The following DYSF variants were observed in gnomAD, a reference collection of about 807,000 sequenced individuals.
DYSF encodes the protein dysferlin, also known as dystrophy-associated fer-1-like 1.
DYSF carries 212 observed loss-of-function variants against 274.9 expected under a neutral mutation model. That is an observed-to-expected ratio of 0.77 (90% CI 0.69 to 0.86). DYSF has a LOEUF of 0.86. Among genes scored for constraint, DYSF ranks in the 40% least tolerant of loss-of-function variants. The pLI, the probability that DYSF is intolerant of heterozygous loss-of-function variation, is 0.00. For synonymous variants in DYSF, 1,091 were observed against 1,078.7 expected, an observed-to-expected ratio of 1.01 and a Z score of -0.22; for missense variants, 2,666 against 2,783.2, an observed-to-expected ratio of 0.96 and a Z score of 0.95.
At chr2:71,565,877 C>T (rs1282652052) in intron 24 of DYSF, among the ~76,000 whole-genome samples, 1 of 152,344 alleles carries the variant, frequency 6.6e-6, no homozygotes, top group African/African-American at 2.4e-5. Flanking sequence ...GTTAGTTTCT[C>T]TCCCCACCTC....
intron 1 of DYSF, among the ~76,000 whole-genome samples, chr2:71,474,173 G>T (rs1409566473): frequency 6.6e-6 from 1 of 152,044 alleles, no homozygotes; most frequent in Non-Finnish European, 1.5e-5. Context: ...TGATCCACCC[G>T]CATCCACCTC....
intron 1 of DYSF, chr2:71,454,190 T>C (rs2080955310): frequency 8.5e-7 from 1 of 1,178,604 alleles, no homozygotes; most frequent in African/African-American, 1.5e-5. Flanking sequence ...GACAGGAGAC[T>C]TTCTGGCCCC....
chr2:71,630,577 A>G (rs1330975347), intron 41 of DYSF, among the ~76,000 whole-genome samples: 1 of 152,228 alleles, frequency 6.6e-6, no homozygotes, highest in Non-Finnish European at 1.5e-5. Flanking sequence ...TACATGAGAA[A>G]TATAGCTCCC....
At chr2:71,466,501 C>A (rs1365891940), upstream of DYSF, among the ~76,000 whole-genome samples, 1 of 152,176 alleles carries the variant, frequency 6.6e-6, no homozygotes, top group African/African-American at 2.4e-5. Flanking sequence ...GAGCTGCGCG[C>A]CCGCGTCAGC....
chr2:71,466,743 G>C lies in DYSF; in HGVS notation c.-100G>C, dbSNP rs1324551570. 2 of 1,402,490 alleles carry C rather than the reference G, an allele frequency of 1.4e-6. No individual in the cohort carries two copies. The highest frequency in any genetic ancestry group is 2.7e-5 in the East Asian group (1 of 36,986). 86.9% of individuals were successfully genotyped at this position (1,402,490 alleles called of 1,614,324 possible). A position where few individuals can be genotyped will look rare whatever the true frequency, so the allele number is the denominator to read the frequency against. On this transcript the variant is annotated 5_prime_UTR_variant, in exon 1 of 56. Transcript: ENST00000410020. Reference sequence around the variant, plus strand: ...GCGAAGGCGACAGCTCTCTTGGCGCGGCTGCCTGGGAGCCGGGCGCTTGCT... The same window carrying C: ...GCGAAGGCGACAGCTCTCTTGGCGCCGCTGCCTGGGAGCCGGGCGCTTGCT...
intron 16 of DYSF, among the ~76,000 whole-genome samples, chr2:71,538,412 C>G (rs1206998423): frequency 1.3e-5 from 2 of 152,110 alleles, no homozygotes; most frequent in Admixed American, 6.5e-5. Flanking sequence ...CAAGAAGTGT[C>G]CCCCTGGAAG....
intron 41 of DYSF, among the ~76,000 whole-genome samples, chr2:71,640,010 C>G (rs1347430110): frequency 6.6e-6 from 1 of 152,238 alleles, no homozygotes; most frequent in Non-Finnish European, 1.5e-5. Context: ...CAATAACTGT[C>G]AAACTGATAC....
chr2:71,590,212 T>C lies in DYSF; in HGVS notation c.3498T>C (p.Tyr1166=), dbSNP rs758944159. Residue 1166 remains tyrosine, a splice_region_variant and synonymous_variant, in exon 32 of 56, where the codon TAT becomes TAC. Coordinates refer to ENST00000410020, the MANE Select transcript of DYSF (RefSeq NM_001130987.2). ...NRPTISCIFD[Y]GNRYHLRCYM... Reference sequence around the variant, plus strand: ...CCTCTGTTTTTTCCCTTGGTGAAGATGGGAACCGCTACCATCTACGCTGCT... The same window carrying C: ...CCTCTGTTTTTTCCCTTGGTGAAGACGGGAACCGCTACCATCTACGCTGCT... 3.1e-6 allele frequency: 5 copies of C among 1,614,052 alleles called. No homozygotes were observed. Among genetic ancestry groups the C allele is most frequent in the Admixed American group, 1.7e-5 (1 of 60,006 alleles).
intron 7 of DYSF, 118 bp from the exon 8 acceptor site, chr2:71,515,505 C>T: frequency 1.4e-6 from 2 of 1,458,260 alleles, no homozygotes; most frequent in Non-Finnish European, 9.5e-7. Flanking sequence ...CTTTTTAATA[C>T]TTTCCCCAAG....
At chr2:71,466,991 A>G in intron 1 of DYSF, 58 bp downstream of exon 1, 1 of 1,532,120 alleles carries the variant, frequency 6.5e-7, no homozygotes, top group East Asian at 2.5e-5. Flanking sequence ...CTCGGCGCTC[A>G]CTGGCGGGTC....
intron 10 of DYSF, among the ~76,000 whole-genome samples, chr2:71,518,366 C>T (rs1447012994): frequency 6.6e-6 from 1 of 150,594 alleles, no homozygotes; most frequent in African/African-American, 2.4e-5. Context: ...AAGTGATTCT[C>T]CTGCCTCAGC....
chr2:71,591,780 G>A (rs1296192459), intron 32 of DYSF, among the ~76,000 whole-genome samples: 1 of 152,180 alleles, frequency 6.6e-6, no homozygotes, highest in East Asian at 1.9e-4. Context: ...ACTCTCCTCC[G>A]CGATGTGGGG....
intron 3 of DYSF, among the ~76,000 whole-genome samples, chr2:71,487,431 T>G (rs2083450499): frequency 6.6e-6 from 1 of 152,060 alleles, no homozygotes; most frequent in Non-Finnish European, 1.5e-5. Context: ...GTCAGCACTT[T>G]TGGAAACCAC....
chr2:71,525,598 A>G (rs1453893228), intron 12 of DYSF, among the ~76,000 whole-genome samples: 1 of 152,184 alleles, frequency 6.6e-6, no homozygotes, highest in African/African-American at 2.4e-5. Flanking sequence ...ATTAAATGAG[A>G]GAGTGCATAC....
chr2:71,576,923 A>C (rs2152827009), intron 30 of DYSF: 1 of 152,418 alleles, frequency 6.6e-6, no homozygotes, highest in Admixed American at 6.5e-5. Context: ...GATCACTGAA[A>C]CTAGGCGTGA....
chr2:71,654,932 A>G (rs555078022), intron 42 of DYSF, among the ~76,000 whole-genome samples: 7 of 152,088 alleles, frequency 4.6e-5, no homozygotes, highest in African/African-American at 1.7e-4. Context: ...AAAATAAAAT[A>G]AAAAATATAA....
intron 1 of DYSF, among the ~76,000 whole-genome samples, chr2:71,468,313 C>T (rs540897935): frequency 1.3e-5 from 2 of 152,352 alleles, no homozygotes; most frequent in East Asian, 3.9e-4. Flanking sequence ...CTGCTCACAG[C>T]TCTTTCCCTT....
At position 71,574,237 on chromosome 2, in the gene DYSF, G is replaced by A. The variant is rs34660230; in HGVS notation, c.3268G>A (p.Ala1090Thr). The change falls in exon 30 of 56, where the codon GCC becomes ACC. Residue 1090 changes from alanine (A) to threonine (T), a missense_variant. Ala to Thr is a moderately conservative substitution (Grantham distance 58). Around this residue, in one of 3 missense-constraint regions of DYSF, gnomAD observed 1,460 missense variants for 1,502.1 expected, o/e 0.97. Transcript: ENST00000410020. ...GGCGGAGGGCGAGGGCTGGGAGTAC[G>A]CCTCTCTTTTTGGCTGGAAGTTCCA... ...AEAEGEGWEYASLFGWKFHLE... is the reference protein window; with the variant it reads ...AEAEGEGWEYTSLFGWKFHLE... The A allele has an allele frequency of 1.2e-5, 20 of 1,613,806 alleles. No homozygotes were observed. The highest frequency in any genetic ancestry group is 5.5e-5 in the South Asian group (5 of 91,090).
chr2:71,505,250 C>T (rs902284769), intron 4 of DYSF, among the ~76,000 whole-genome samples: 1 of 152,226 alleles, frequency 6.6e-6, no homozygotes, highest in Non-Finnish European at 1.5e-5. Flanking sequence ...GGGCTGGCTG[C>T]ACTGTAGTGC....
Sources: allele counts gnomAD v4.1 joint callset (sites outside exome capture counted in the v4.1 genomes callset), GRCh38; gene constraint gnomAD v4.1.1; regional missense constraint gnomAD v4.1.1; transcripts MANE v1.5; gene names NCBI Gene and HGNC (gene_info 2026-07-23, HGNC 2026-07-21).